Variants in MAPKAP1 observed in about 807,000 individuals in gnomAD.
MAPKAP1 encodes target of rapamycin complex 2 subunit MAPKAP1.
MAPKAP1 carries 20 observed loss-of-function variants against 65.7 expected under a neutral mutation model. The observed-to-expected ratio is 0.30, with a 90% CI of 0.21 to 0.44. The LOEUF is 0.44. MAPKAP1 is among the 20% of genes least tolerant of loss of function. MAPKAP1 has a pLI of 1.00. For missense variants in MAPKAP1, 423 were observed against 648.0 expected, an observed-to-expected ratio of 0.65 and a Z score of 3.77; for synonymous variants, 222 against 244.3, an observed-to-expected ratio of 0.91 and a Z score of 0.85.
At chr9:125,518,395 C>T (rs951103597) in intron 7 of MAPKAP1, among the ~76,000 whole-genome samples, 1 of 152,082 alleles carries the variant, frequency 6.6e-6, no homozygotes, top group Non-Finnish European at 1.5e-5. Flanking sequence ...TCCCACATTA[C>T]ATCTGTAATC....
At chr9:125,647,215 T>G (rs1213645593) in intron 4 of MAPKAP1, among the ~76,000 whole-genome samples, 1 of 152,236 alleles carries the variant, frequency 6.6e-6, no homozygotes, top group Non-Finnish European at 1.5e-5. Flanking sequence ...TACATGTATC[T>G]TTGTCTAGGT....
At chr9:125,566,515 G>A (rs1831056417) in intron 5 of MAPKAP1, among the ~76,000 whole-genome samples, 2 of 152,028 alleles carry the variant, frequency 1.3e-5, no homozygotes, top group South Asian at 4.2e-4. Flanking sequence ...CGTGAGCTGC[G>A]ATTGCACCCC....
intron 10 of MAPKAP1, among the ~76,000 whole-genome samples, chr9:125,465,025 G>A (rs1041544868): frequency 6.6e-6 from 1 of 152,150 alleles, no homozygotes; most frequent in African/African-American, 2.4e-5. Context: ...TACACTTAAT[G>A]TCTTTTTGTA....
At chr9:125,459,172 A>G (rs1395445262) in intron 10 of MAPKAP1, among the ~76,000 whole-genome samples, 2 of 142,962 alleles carry the variant, frequency 1.4e-5, no homozygotes, top group African/African-American at 5.3e-5. Context: ...CTCACATCCC[A>G]GACGGGGCGG....
chr9:125,697,994 G>A (rs1353266392), intron 1 of MAPKAP1, among the ~76,000 whole-genome samples: 1 of 151,312 alleles, frequency 6.6e-6, no homozygotes, highest in East Asian at 1.9e-4. Flanking sequence ...CATAATTAAT[G>A]ACAGTCCCAA....
At chr9:125,636,717 T>C (rs12553311) in intron 4 of MAPKAP1, among the ~76,000 whole-genome samples, 44,152 of 152,124 alleles carry the variant, frequency 0.29, 7,050 homozygotes, top group Non-Finnish European at 0.37. Context: ...ATAGCAGCAT[T>C]TGCTTACATA....
rs551919190 is a variant in MAPKAP1, at chr9:125,439,802, G to T, written c.1444-790C>A. Among the ~76,000 whole-genome samples the T allele has an allele frequency of 3.3e-5, 5 of 152,392 alleles. No homozygotes were observed. The East Asian group carries it at 9.6e-4, about 29-fold the overall frequency. On this transcript the variant is annotated intron_variant, in intron 11 of 11. Transcript: ENST00000265960. This position sits in a 1 kb window ranked among gnomAD's most constrained non-coding sequence, Gnocchi z 4.0. ...GCTACAGCGCTGAGACTTGGTCCTG[G>T]CCCTGGGGAGCTTGCTGCCTGGTGA...
At chr9:125,644,988 T>A (rs551905451) in intron 4 of MAPKAP1, among the ~76,000 whole-genome samples, 22 of 152,260 alleles carry the variant, frequency 1.4e-4, no homozygotes, top group African/African-American at 5.1e-4. Context: ...TGGCAGCCCC[T>A]CAAACATGTA....
chr9:125,451,795 T>C (rs1159177769), intron 10 of MAPKAP1, among the ~76,000 whole-genome samples: 1 of 149,800 alleles, frequency 6.7e-6, no homozygotes, highest in South Asian at 2.1e-4. Context: ...GATTCAAACA[T>C]CTACTCACAG....
intron 4 of MAPKAP1, among the ~76,000 whole-genome samples, chr9:125,615,915 G>GAAA (rs763540546): frequency 9.5e-6 from 1 of 105,218 alleles, no homozygotes; most frequent in Non-Finnish European, 2.0e-5. Flanking sequence ...CTCCGTCTCA[G>GAAA]AAAAAAAAAA....
chr9:125,691,018 G>T (rs566564500), intron 1 of MAPKAP1, among the ~76,000 whole-genome samples: 4 of 152,256 alleles, frequency 2.6e-5, no homozygotes, highest in East Asian at 1.9e-4. Context: ...TCCCAGCACT[G>T]TGGGAGGCCG....
chr9:125,490,306 G>A (rs560351691), intron 8 of MAPKAP1, among the ~76,000 whole-genome samples: 77 of 152,238 alleles, frequency 5.1e-4, no homozygotes, highest in African/African-American at 1.6e-3. Context: ...TTGGGAGGCC[G>A]AGGTGGGTGG....
At chr9:125,531,375 T>C (rs945389787) in intron 7 of MAPKAP1, among the ~76,000 whole-genome samples, 32 of 152,256 alleles carry the variant, frequency 2.1e-4, no homozygotes, top group African/African-American at 7.0e-4. Context: ...ATTCAAATAG[T>C]TGTTTTAAGG....
intron 7 of MAPKAP1, among the ~76,000 whole-genome samples, chr9:125,542,253 G>A (rs945853045): frequency 5.3e-5 from 8 of 152,184 alleles, no homozygotes; most frequent in East Asian, 3.9e-4. Flanking sequence ...ATTAAATCTG[G>A]AACAGATTAT....
chr9:125,689,244 T>C (rs760488144), intron 1 of MAPKAP1, among the ~76,000 whole-genome samples: 71 of 150,284 alleles, frequency 4.7e-4, no homozygotes, highest in Non-Finnish European at 8.0e-4. Context: ...GAGAACATCC[T>C]GGCTAACACG....
chr9:125,549,545 C>G (rs950232011), intron 6 of MAPKAP1, among the ~76,000 whole-genome samples: 1 of 152,192 alleles, frequency 6.6e-6, no homozygotes, highest in Admixed American at 6.5e-5. Context: ...TCAAAGCGTA[C>G]TGTGGGAGCA....
At chr9:125,467,826 T>G in intron 10 of MAPKAP1, 146 bp downstream of exon 10, 3 of 877,620 alleles carry the variant, frequency 3.4e-6, no homozygotes, top group Non-Finnish European at 5.2e-6. Flanking sequence ...ACAATCCCGT[T>G]TGATTAAAAG....
intron 4 of MAPKAP1, among the ~76,000 whole-genome samples, chr9:125,645,891 C>A (rs1442543961): frequency 6.6e-6 from 1 of 152,122 alleles, no homozygotes; most frequent in African/African-American, 2.4e-5. Flanking sequence ...AATGCAAACA[C>A]CTGGAAGGCA....
At chr9:125,459,853 TGG>T in intron 10 of MAPKAP1, among the ~76,000 whole-genome samples, 3 of 17,194 alleles carry the variant, frequency 1.7e-4, no homozygotes, top group South Asian at 3.0e-3. Context: ...AGGGAGACCG[TGG>T]GGAGAGGGAG....
Sources: gnomAD v4.1 joint callset for allele counts (sites outside exome capture counted in the v4.1 genomes callset) on GRCh38, gnomAD v4.1.1 for gene constraint, Gnocchi (gnomAD v3.1) non-coding constraint, MANE v1.5 for transcripts, NCBI Gene and HGNC (gene_info 2026-07-23, HGNC 2026-07-21) for gene names.